IMMP2L: variants seen among roughly 807,000 people sequenced by gnomAD.
The protein encoded by IMMP2L is inner mitochondrial membrane peptidase subunit 2.
In IMMP2L, 18 loss-of-function variants were observed where a neutral mutation model predicts 19.3. The ratio of observed to expected loss-of-function variants is 0.93; its 90% CI spans 0.64 to 1.38. The LOEUF (loss-of-function observed/expected upper bound fraction) is 1.38, where lower values mean the gene tolerates loss of function less well. Ranked by LOEUF, IMMP2L falls within the 40% of genes most tolerant of loss-of-function variation. The pLI is 0.00. For missense variants in IMMP2L, 233 were observed against 218.2 expected (o/e 1.07, Z -0.43); for synonymous variants, 76 against 73.0 (o/e 1.04, Z -0.21).
rs575923991 is a variant in IMMP2L at position 110,876,823 on chromosome 7, C to A, written c.408+9770G>T. ...TTCCCAAACCAGTCTTGCCAGGATACCTCTCATAACTTATTACTCTCCTGT... is the reference window on the plus strand; with the variant it reads ...TTCCCAAACCAGTCTTGCCAGGATAACTCTCATAACTTATTACTCTCCTGT... On this transcript the variant is annotated intron_variant, in intron 5 of 5. Coordinates refer to ENST00000405709, the MANE Select transcript of IMMP2L (RefSeq NM_032549.4). Among the ~76,000 whole-genome samples, 4 of 152,170 alleles carry A rather than the reference C, an allele frequency of 2.6e-5. No individual in the cohort carries two copies. In the South Asian group the frequency reaches 8.3e-4, roughly 32 times the overall value.
At chr7:111,382,459 G>T (rs1293800751) in intron 3 of IMMP2L, among the ~76,000 whole-genome samples, 3 of 152,020 alleles carry the variant, frequency 2.0e-5, no homozygotes, top group Non-Finnish European at 1.5e-5. Context: ...TCCAAAAGGC[G>T]AAAGAGCAAA....
intron 3 of IMMP2L, among the ~76,000 whole-genome samples, chr7:111,005,845 T>C (rs1421146964): frequency 6.6e-6 from 1 of 152,210 alleles, no homozygotes; most frequent in Non-Finnish European, 1.5e-5. Context: ...TGCTGAAGAT[T>C]GCTCTTCATA....
At chr7:110,820,890 T>C (rs1385282381) in intron 5 of IMMP2L, among the ~76,000 whole-genome samples, 1 of 152,044 alleles carries the variant, frequency 6.6e-6, no homozygotes, top group Non-Finnish European at 1.5e-5. Flanking sequence ...TCTCTTTTCC[T>C]CATCTATAAA....
intron 3 of IMMP2L, among the ~76,000 whole-genome samples, chr7:111,482,833 A>G (rs961867973): frequency 6.6e-6 from 1 of 152,168 alleles, no homozygotes; most frequent in Non-Finnish European, 1.5e-5. Context: ...AGAGTCTGGC[A>G]TCAAACATTA....
At chr7:111,359,777 C>G (rs1829086728) in intron 3 of IMMP2L, among the ~76,000 whole-genome samples, 1 of 151,902 alleles carries the variant, frequency 6.6e-6, no homozygotes, top group Non-Finnish European at 1.5e-5. Flanking sequence ...AGTGGTTACC[C>G]TAACTGATAA....
chr7:110,839,948 C>T lies in IMMP2L; in HGVS notation c.408+46645G>A, dbSNP rs186169993. Among the ~76,000 whole-genome samples the T allele has an allele frequency of 3.3e-5, 5 of 152,200 alleles. No individual in the cohort carries two copies. The East Asian group carries it at 7.8e-4, about 24-fold the overall frequency. ...CACTGTTTCTCCTTCCTTCTCAGTG[C>T]TCCTGGATGAGTCTTTGATGGGCTA... On this transcript the variant is annotated intron_variant, in intron 5 of 5. Coordinates refer to ENST00000405709, the MANE Select transcript of IMMP2L (RefSeq NM_032549.4).
At chr7:111,465,580 A>G (rs1563226115) in intron 3 of IMMP2L, among the ~76,000 whole-genome samples, 2 of 151,926 alleles carry the variant, frequency 1.3e-5, no homozygotes, top group Non-Finnish European at 2.9e-5. Flanking sequence ...AAAAATGCTC[A>G]TCATCACTGG....
intron 5 of IMMP2L, among the ~76,000 whole-genome samples, chr7:110,769,626 G>A (rs1798904511): frequency 6.6e-6 from 1 of 152,024 alleles, no homozygotes; most frequent in African/African-American, 2.4e-5. Context: ...GCTCAACTGA[G>A]AATTATAAGC....
chr7:110,811,823 C>G (rs914720183), intron 5 of IMMP2L, among the ~76,000 whole-genome samples: 1 of 151,934 alleles, frequency 6.6e-6, no homozygotes, highest in African/African-American at 2.4e-5. Flanking sequence ...GTTGTTAGTC[C>G]ATGCAGTTTA....
At chr7:111,507,046 G>A (rs749362824) in intron 2 of IMMP2L, among the ~76,000 whole-genome samples, 4 of 151,598 alleles carry the variant, frequency 2.6e-5, no homozygotes, top group Non-Finnish European at 4.4e-5. Flanking sequence ...TTCGCCAGTT[G>A]CCCAGGTTGG....
intron 3 of IMMP2L, among the ~76,000 whole-genome samples, chr7:111,400,330 T>C (rs939574446): frequency 2.0e-5 from 3 of 152,192 alleles, no homozygotes; most frequent in Non-Finnish European, 2.9e-5. Context: ...CTTAACATTT[T>C]AGACTGTGGT....
At chr7:111,406,155 C>T (rs1359405249) in intron 3 of IMMP2L, among the ~76,000 whole-genome samples, 1 of 152,084 alleles carries the variant, frequency 6.6e-6, no homozygotes, top group Non-Finnish European at 1.5e-5. Flanking sequence ...AATTTGCTTT[C>T]TACCACCCCT....
intron 3 of IMMP2L, among the ~76,000 whole-genome samples, chr7:111,434,540 T>C (rs1454435860): frequency 1.3e-5 from 2 of 151,776 alleles, no homozygotes; most frequent in South Asian, 2.1e-4. Context: ...TGTTTGTTTT[T>C]TGTTTTTTTG....
chr7:110,671,626 C>A (rs1791926903), intron 5 of IMMP2L, among the ~76,000 whole-genome samples: 1 of 152,072 alleles, frequency 6.6e-6, no homozygotes, highest in South Asian at 2.1e-4. Flanking sequence ...TCTTCATGAG[C>A]CCAGCCTTTC....
In IMMP2L at chr7:110,965,314, G is replaced by T. The variant is rs185073311; in HGVS notation, c.240-1749C>A. Among the ~76,000 whole-genome samples the T allele has an allele frequency of 4.7e-4, 72 of 152,064 alleles. 2 individuals carry two copies. In the East Asian group the frequency reaches 0.011, roughly 23 times the overall value. On this transcript the variant is annotated intron_variant, in intron 3 of 5. Coordinates refer to ENST00000405709, the MANE Select transcript of IMMP2L (RefSeq NM_032549.4). ...AAAGGAATGTAAATGTGCAAAAACT[G>T]AAAAGATCAAATATATTCAAACTGT...
chr7:110,778,554 G>A (rs553568077), intron 5 of IMMP2L, among the ~76,000 whole-genome samples: 1 of 151,910 alleles, frequency 6.6e-6, no homozygotes, highest in South Asian at 2.1e-4. Flanking sequence ...CTAAAATAGA[G>A]CAAACTTATT....
Position 111,548,607 on chromosome 7 carries a change from T to A in IMMP2L, c.-3+13244A>T, listed in dbSNP as rs142440025. Among the ~76,000 whole-genome samples, 745 of 152,278 alleles carry A rather than the reference T, an allele frequency of 4.9e-3. 7 individuals are homozygous for A. Among genetic ancestry groups the A allele is most frequent in the African/African-American group, 0.017 (720 of 41,572 alleles). On this transcript the variant is annotated intron_variant, in intron 1 of 5. Coordinates refer to ENST00000405709, the MANE Select transcript of IMMP2L (RefSeq NM_032549.4). ...CAATTACACCTTTATCTCGAAGTAA[T>A]CACCATCAACCATTCTCAAACTCAG...
rs1418468444 is a variant in IMMP2L, at chr7:110,902,850, T to G, written c.306-16155A>C. Among the ~76,000 whole-genome samples, 2 of 44,380 alleles carry G rather than the reference T, an allele frequency of 4.5e-5. 1 individual carries two copies. Among genetic ancestry groups the G allele is most frequent in the Middle Eastern group, 0.025 (2 of 80 alleles). 29.1% of individuals were successfully genotyped at this position (44,380 alleles called of 152,430 possible). On this transcript the variant is annotated intron_variant, in intron 4 of 5. Transcript: ENST00000405709. The stretch of plus-strand genomic sequence containing the variant: ...GGGAGGCTGAGGCAGGAGAATGGCG[T>G]GAACCCGGGAGGCGGAGCATGCAGT...
intron 3 of IMMP2L, among the ~76,000 whole-genome samples, chr7:111,476,916 T>C (rs1468037191): frequency 6.6e-6 from 1 of 152,194 alleles, no homozygotes; most frequent in Non-Finnish European, 1.5e-5. Context: ...ATAACCTTTA[T>C]TTTAAGGTCA....
Sources: gnomAD v4.1 joint callset for allele counts (sites outside exome capture counted in the v4.1 genomes callset) on GRCh38, gnomAD v4.1.1 for gene constraint, MANE v1.5 for transcripts, NCBI Gene and HGNC (gene_info 2026-07-23, HGNC 2026-07-21) for gene names.